TUSC3: variants seen among roughly 807,000 people sequenced by gnomAD.
The protein encoded by TUSC3 is dolichyl-diphosphooligosaccharide--protein glycosyltransferase subunit TUSC3.
Under a neutral mutation model 44.8 loss-of-function variants are expected in TUSC3, and 45 were observed. The ratio of observed to expected loss-of-function variants is 1.00; its 90% CI spans 0.79 to 1.29. The LOEUF (loss-of-function observed/expected upper bound fraction) is 1.29, where lower values mean the gene tolerates loss of function less well. TUSC3 is among the 50% of genes most tolerant of loss of function. The pLI is 0.00. For missense variants in TUSC3, 519 were observed against 437.9 expected (o/e 1.19, Z -1.65); for synonymous variants, 212 against 152.9 (o/e 1.39, Z -2.85).
intron 2 of TUSC3, among the ~76,000 whole-genome samples, chr8:15,492,541 G>A (rs1192605181): frequency 6.6e-6 from 1 of 152,118 alleles, no homozygotes; most frequent in Non-Finnish European, 1.5e-5. Flanking sequence ...GGTGGTAAGA[G>A]ACCTATTTCT....
intron 2 of TUSC3, among the ~76,000 whole-genome samples, chr8:15,641,593 A>T (rs1426975566): frequency 6.6e-6 from 1 of 152,162 alleles, no homozygotes; most frequent in East Asian, 1.9e-4. Context: ...TTTACTAGAG[A>T]CTTCGTTATG....
chr8:15,850,675 A>T, the TUSC3 span, among the ~76,000 whole-genome samples: 1 of 152,222 alleles, frequency 6.6e-6, no homozygotes, highest in East Asian at 1.9e-4. Flanking sequence ...AATAAAATGA[A>T]ACAATTTAGA....
chr8:15,670,082 C>A (rs974173994), intron 5 of TUSC3, among the ~76,000 whole-genome samples: 23 of 151,808 alleles, frequency 1.5e-4, no homozygotes, highest in African/African-American at 5.1e-4. Flanking sequence ...ACACTGAAAA[C>A]TGAAAAATCT....
At chr8:15,617,075 A>G (rs1438786344) in intron 1 of TUSC3, among the ~76,000 whole-genome samples, 1 of 147,610 alleles carries the variant, frequency 6.8e-6, no homozygotes, top group East Asian at 2.0e-4. Context: ...ACACTAATCC[A>G]CTCACTCATA....
intron 1 of TUSC3, among the ~76,000 whole-genome samples, chr8:15,620,525 A>G (rs1472501784): frequency 6.6e-6 from 1 of 152,172 alleles, no homozygotes; most frequent in African/African-American, 2.4e-5. Context: ...AATGACGTAT[A>G]TATATTTGCC....
At chr8:15,748,831 T>G (rs888971392) in intron 9 of TUSC3, 1 of 451,604 alleles carries the variant, frequency 2.2e-6, no homozygotes, top group Non-Finnish European at 4.3e-6. Flanking sequence ...TCTAATAAAC[T>G]TTGTATTATC....
intron 1 of TUSC3, among the ~76,000 whole-genome samples, chr8:15,612,995 G>A (rs1452805115): frequency 6.6e-6 from 1 of 150,648 alleles, no homozygotes; most frequent in Admixed American, 6.6e-5. Flanking sequence ...TCCTGAGTTG[G>A]CACTAAGCCG....
downstream of TUSC3, among the ~76,000 whole-genome samples, chr8:15,769,260 G>T (rs1049579071): frequency 1.3e-5 from 2 of 151,978 alleles, no homozygotes; most frequent in East Asian, 3.9e-4. Context: ...CAGAACAGAG[G>T]CCTCAGAAAT....
At chr8:15,685,756 C>A (rs1808602156) in intron 6 of TUSC3, among the ~76,000 whole-genome samples, 1 of 152,034 alleles carries the variant, frequency 6.6e-6, no homozygotes, top group East Asian at 1.9e-4. Flanking sequence ...AATTCTGATT[C>A]TATCTTTAAT....
At chr8:15,547,961 GTTA>G (rs1801931315) in intron 1 of TUSC3, among the ~76,000 whole-genome samples, 1 of 151,170 alleles carries the variant, frequency 6.6e-6, no homozygotes, top group African/African-American at 2.4e-5. Flanking sequence ...ACTTTTTTCT[GTTA>G]TTTTTAACTT....
chr8:15,625,755 C>G (rs1805478669), intron 2 of TUSC3, among the ~76,000 whole-genome samples: 1 of 152,124 alleles, frequency 6.6e-6, no homozygotes. Flanking sequence ...TGAGAGTGTT[C>G]TAAAATTTCT....
chr8:15,751,773 G>A (rs922813255), intron 9 of TUSC3, among the ~76,000 whole-genome samples: 1 of 152,192 alleles, frequency 6.6e-6, no homozygotes, highest in African/African-American at 2.4e-5. Flanking sequence ...GTGCAGGATA[G>A]ATCTTTGATC....
At chr8:15,798,088 A>C in the TUSC3 span, among the ~76,000 whole-genome samples, 1 of 152,226 alleles carries the variant, frequency 6.6e-6, no homozygotes, top group Non-Finnish European at 1.5e-5. Context: ...TCTATGTCCC[A>C]CTAGGGGTTC....
chr8:15,559,663 C>T (rs1205086079), intron 1 of TUSC3, among the ~76,000 whole-genome samples: 1 of 136,728 alleles, frequency 7.3e-6, no homozygotes, highest in Non-Finnish European at 1.6e-5. Context: ...TCACTCAGGA[C>T]TTGCTTTATG....
intron 1 of TUSC3, among the ~76,000 whole-genome samples, chr8:15,444,260 CA>C (rs1800061706): frequency 1.3e-5 from 2 of 152,150 alleles, no homozygotes; most frequent in African/African-American, 4.8e-5. Context: ...CAAGACTCTT[CA>C]TGACACTTGT....
chr8:15,522,832 G>C (rs567311734), intron 2 of TUSC3, among the ~76,000 whole-genome samples: 64 of 152,230 alleles, frequency 4.2e-4, no homozygotes, highest in African/African-American at 1.5e-3. Flanking sequence ...CAAGAATTTT[G>C]ATGGTATAAA....
chr8:15,740,701 T>C (rs1353439493), intron 7 of TUSC3, among the ~76,000 whole-genome samples: 1 of 152,186 alleles, frequency 6.6e-6, no homozygotes. Context: ...CTAACATTGC[T>C]CATTTTAGAG....
intron 9 of TUSC3, chr8:15,748,676 G>C: frequency 1.4e-6 from 1 of 700,064 alleles, no homozygotes; most frequent in Non-Finnish European, 2.6e-6. Flanking sequence ...ACAGCATGTA[G>C]TTTCTTTCTA....
intron 1 of TUSC3, among the ~76,000 whole-genome samples, chr8:15,575,159 GTATTTTTTTTGCA>G (rs1256289966): frequency 8.7e-6 from 1 of 115,184 alleles, no homozygotes; most frequent in Non-Finnish European, 2.0e-5. Flanking sequence ...TGCGATAGAT[GTATTTTTTTTGCA>G]TATAAACCTA....
Sources: gnomAD v4.1 joint callset for allele counts (sites outside exome capture counted in the v4.1 genomes callset) on GRCh38, gnomAD v4.1.1 for gene constraint, MANE v1.5 for transcripts, NCBI Gene and HGNC (gene_info 2026-07-23, HGNC 2026-07-21) for gene names.